SLC14A2: variants seen among roughly 807,000 people sequenced by gnomAD.
SLC14A2 encodes the protein urea transporter 2.
SLC14A2 carries 91 observed loss-of-function variants against 104.6 expected under a neutral mutation model. The ratio of observed to expected loss-of-function variants is 0.87; its 90% CI spans 0.73 to 1.04. SLC14A2 has a LOEUF of 1.04. SLC14A2 is among the 50% of genes least tolerant of loss of function. The pLI, the probability that SLC14A2 is intolerant of heterozygous loss-of-function variation, is 0.00. For synonymous variants in SLC14A2, 476 were observed against 466.4 expected (o/e 1.02, Z -0.27); for missense variants, 1,189 against 1,156.0 (o/e 1.03, Z -0.41).
intron 1 of SLC14A2, among the ~76,000 whole-genome samples, chr18:45,382,046 AC>A (rs1385280355): frequency 6.6e-6 from 1 of 152,104 alleles, no homozygotes; most frequent in Non-Finnish European, 1.5e-5. Flanking sequence ...CCTTCATTCA[AC>A]CCAATATTCA....
At chr18:45,605,315 T>G (rs1462618354) in intron 2 of SLC14A2, among the ~76,000 whole-genome samples, 2 of 152,200 alleles carry the variant, frequency 1.3e-5, no homozygotes, top group African/African-American at 2.4e-5. Context: ...GACTGTCTCA[T>G]GTACCCCTCA....
At chr18:45,642,552 T>C (rs559981160) in intron 8 of SLC14A2, among the ~76,000 whole-genome samples, 1 of 152,290 alleles carries the variant, frequency 6.6e-6, no homozygotes, top group Admixed American at 6.5e-5. Context: ...AAGGAGTTTG[T>C]CCAGAGGCAC....
chr18:45,639,662 G>A (rs1022277349), intron 6 of SLC14A2, 84 bp from the exon 7 acceptor site: 99 of 1,398,132 alleles, frequency 7.1e-5, no homozygotes, highest in Non-Finnish European at 8.6e-5. Context: ...TTACTCCCCC[G>A]AGGAATGGCT....
chr18:45,279,812 C>A (rs192261139), intron 1 of SLC14A2, among the ~76,000 whole-genome samples: 1 of 152,204 alleles, frequency 6.6e-6, no homozygotes, highest in Non-Finnish European at 1.5e-5. Context: ...CCCATGAGAA[C>A]AGAAGCTGCC....
chr18:45,610,717 C>A (rs1465147455), upstream of SLC14A2, among the ~76,000 whole-genome samples: 1 of 152,186 alleles, frequency 6.6e-6, no homozygotes, highest in Admixed American at 6.5e-5. Context: ...AATTCCAACA[C>A]CCCATGGAAT....
At chr18:45,319,936 AT>A (rs1310899491) in intron 1 of SLC14A2, among the ~76,000 whole-genome samples, 1 of 152,226 alleles carries the variant, frequency 6.6e-6, no homozygotes, top group Admixed American at 6.5e-5. Context: ...GAGAAGATAA[AT>A]ATAGTGTATC....
At chr18:45,222,001 GA>G (rs1321406529) in intron 1 of SLC14A2, among the ~76,000 whole-genome samples, 1 of 152,134 alleles carries the variant, frequency 6.6e-6, no homozygotes, top group Non-Finnish European at 1.5e-5. Context: ...TTTTCTCAAT[GA>G]AACAACAAAG....
chr18:45,292,344 C>T (rs1247200007), intron 1 of SLC14A2, among the ~76,000 whole-genome samples: 6 of 152,150 alleles, frequency 3.9e-5, no homozygotes, highest in African/African-American at 1.2e-4. Flanking sequence ...AGGTGCAATA[C>T]TTTATATGGG....
intron 15 of SLC14A2, among the ~76,000 whole-genome samples, chr18:45,669,081 G>A (rs1260392037): frequency 6.6e-6 from 1 of 152,236 alleles, no homozygotes; most frequent in African/African-American, 2.4e-5. Context: ...TTCTGAGACT[G>A]CCTGCCTTAT....
At chr18:45,373,041 A>G (rs1188755356) in intron 1 of SLC14A2, among the ~76,000 whole-genome samples, 1 of 152,176 alleles carries the variant, frequency 6.6e-6, no homozygotes, top group Non-Finnish European at 1.5e-5. Context: ...TGGCCAGAAC[A>G]GCTCTAGACT....
chr18:45,233,035 C>A (rs1362067527), intron 1 of SLC14A2, among the ~76,000 whole-genome samples: 1 of 152,168 alleles, frequency 6.6e-6, no homozygotes, highest in African/African-American at 2.4e-5. Context: ...TTGGGTGAAA[C>A]AATTTCCCCC....
chr18:45,534,073 T>C (rs958856569), intron 2 of SLC14A2, among the ~76,000 whole-genome samples: 2 of 152,186 alleles, frequency 1.3e-5, no homozygotes, highest in African/African-American at 4.8e-5. Context: ...GTGCTTCCCA[T>C]CTAGGGAACA....
intron 1 of SLC14A2, among the ~76,000 whole-genome samples, chr18:45,222,834 G>C (rs1284423067): frequency 2.0e-5 from 3 of 152,126 alleles, no homozygotes; most frequent in South Asian, 2.1e-4. Context: ...ATATAAAGCA[G>C]CCATTTATGG....
intron 1 of SLC14A2, among the ~76,000 whole-genome samples, chr18:45,376,177 A>G (rs2085772803): frequency 2.0e-5 from 3 of 152,128 alleles, no homozygotes; most frequent in Admixed American, 6.5e-5. Flanking sequence ...CTAAAATTCA[A>G]TTAATAGCAT....
chr18:45,235,823 A>ATATG (rs1555666246), intron 1 of SLC14A2, among the ~76,000 whole-genome samples: 4 of 129,700 alleles, frequency 3.1e-5, no homozygotes, highest in African/African-American at 9.0e-5. Flanking sequence ...GTATATATAT[A>ATATG]TATATATACG....
chr18:45,214,772 T>C (rs1488757574), intron 1 of SLC14A2, among the ~76,000 whole-genome samples: 1 of 152,122 alleles, frequency 6.6e-6, no homozygotes, highest in African/African-American at 2.4e-5. Context: ...GATGTGTCTA[T>C]AACATGTCAT....
At chr18:45,574,725 A>G (rs1325252735) in intron 2 of SLC14A2, among the ~76,000 whole-genome samples, 1 of 152,242 alleles carries the variant, frequency 6.6e-6, no homozygotes, top group Non-Finnish European at 1.5e-5. Context: ...GTACCTTTTC[A>G]TCAACCGAAA....
chr18:45,531,966 C>A (rs1162703054), intron 2 of SLC14A2, among the ~76,000 whole-genome samples: 6 of 152,120 alleles, frequency 3.9e-5, no homozygotes, highest in African/African-American at 1.4e-4. Context: ...GAATCCTTTC[C>A]CCATTTCTTC....
intron 2 of SLC14A2, among the ~76,000 whole-genome samples, chr18:45,487,407 G>A (rs966663229): frequency 6.6e-6 from 1 of 152,134 alleles, no homozygotes; most frequent in Non-Finnish European, 1.5e-5. Flanking sequence ...AATTACATCC[G>A]CAAAGTCCCT....
Sources: allele counts gnomAD v4.1 joint callset (sites outside exome capture counted in the v4.1 genomes callset), GRCh38; gene constraint gnomAD v4.1.1; transcripts MANE v1.5; gene names NCBI Gene and HGNC (gene_info 2026-07-23, HGNC 2026-07-21).